Variants in EPS8 observed in about 807,000 individuals in gnomAD.
EPS8 encodes epidermal growth factor receptor kinase substrate 8.
EPS8 carries 42 observed loss-of-function variants against 103.8 expected under a neutral mutation model. The observed-to-expected ratio is 0.40, with a 90% CI of 0.32 to 0.52. EPS8 has a LOEUF of 0.52. Among genes scored for constraint, EPS8 ranks in the 20% least tolerant of loss-of-function variants. The probability of loss-of-function intolerance (pLI) is 0.40; values close to 1 mark genes in which losing one functional copy is unlikely to be tolerated. For missense variants in EPS8, 969 were observed against 1,005.1 expected, an observed-to-expected ratio of 0.96 and a Z score of 0.49; for synonymous variants, 344 against 344.6, an observed-to-expected ratio of 1.00 and a Z score of 0.02.
At position 15,704,093 on chromosome 12, in the gene EPS8, GT is replaced by G. The variant is rs1946351563; in HGVS notation, c.-21-21122del. Among the ~76,000 whole-genome samples the G allele has an allele frequency of 6.6e-6, 1 of 151,884 alleles. No homozygotes were observed. The highest frequency in any genetic ancestry group is 2.4e-5 in the African/African-American group (1 of 41,370). ...ATTCCAAAGACTGTAAGAATAGAGG[GT>G]TTTCCTGCTGGGTTTTTTTGTTCGT... On this transcript the variant is annotated intron_variant, in intron 1 of 20. Coordinates refer to ENST00000281172, the MANE Select transcript of EPS8 (RefSeq NM_004447.6). This position sits in a 1 kb window ranked among gnomAD's most constrained non-coding sequence, Gnocchi z 4.6.
chr12:15,707,838 C>A (rs1194482489), intron 1 of EPS8, among the ~76,000 whole-genome samples: 1 of 152,150 alleles, frequency 6.6e-6, no homozygotes, highest in African/African-American at 2.4e-5. Flanking sequence ...TTATAACTCA[C>A]CTTCTTTTGT....
chr12:15,768,081 TA>T (rs1317758344), intron 1 of EPS8, among the ~76,000 whole-genome samples: 2 of 152,070 alleles, frequency 1.3e-5, no homozygotes, highest in Non-Finnish European at 2.9e-5. Flanking sequence ...ATCCAATTTT[TA>T]AAAAAACTGT....
chr12:15,774,628 T>C (rs1344579977), intron 1 of EPS8, among the ~76,000 whole-genome samples: 1 of 147,450 alleles, frequency 6.8e-6, no homozygotes, highest in East Asian at 1.9e-4. Context: ...TATATAAATA[T>C]AAATATACAT....
In EPS8 at chr12:15,761,338, T is replaced by C. The variant is rs544957645; in HGVS notation, c.-22+27823A>G. Among the ~76,000 whole-genome samples, 5 of 152,246 alleles carry C rather than the reference T, an allele frequency of 3.3e-5. No homozygotes were observed. Among genetic ancestry groups the C allele is most frequent in the African/African-American group, 1.2e-4 (5 of 41,562 alleles). ...TGTTCATGGATTGAAAGAATCAATA[T>C]TGTTAAAATTTCCATACTTCCCAAA... On this transcript the variant is annotated intron_variant, in intron 1 of 20. Coordinates refer to ENST00000281172, the MANE Select transcript of EPS8 (RefSeq NM_004447.6). This position sits in a 1 kb window ranked among gnomAD's most constrained non-coding sequence, Gnocchi z 4.5.
Position 15,650,098 on chromosome 12 carries a change from A to G in EPS8, c.1434+725T>C, listed in dbSNP as rs144697029. Among the ~76,000 whole-genome samples, 227 of 152,340 alleles carry G rather than the reference A, an allele frequency of 1.5e-3. 3 individuals are homozygous for G. The highest frequency in any genetic ancestry group is 5.1e-3 in the African/African-American group (212 of 41,576). On this transcript the variant is annotated intron_variant, in intron 14 of 20. Coordinates refer to ENST00000281172, the MANE Select transcript of EPS8 (RefSeq NM_004447.6). ...CTTTTAGGGAATGTGACAAAACAGC[A>G]TACTCAATTTCATTCCCTCAACTTG...
chr12:15,638,590 A>G (rs1945176942), intron 17 of EPS8, among the ~76,000 whole-genome samples: 1 of 152,220 alleles, frequency 6.6e-6, no homozygotes, highest in Non-Finnish European at 1.5e-5. Context: ...AGAGAGTAGG[A>G]TAGTGTTGAA....
rs577196320 is a variant in EPS8 at position 15,734,411 on chromosome 12, G to A, written c.-21-51439C>T. ...AGTTTCATGCTTAAAAAGATTCTCT[G>A]TGGTTGGGCACGGTGGCTCACACCT... On this transcript the variant is annotated intron_variant, in intron 1 of 20. Coordinates refer to ENST00000281172, the MANE Select transcript of EPS8 (RefSeq NM_004447.6). The surrounding 1 kb of genome is among the most constrained non-coding windows in gnomAD (Gnocchi z 4.1). Among the ~76,000 whole-genome samples the A allele has an allele frequency of 1.3e-5, 2 of 152,196 alleles. No individual in the cohort carries two copies. The highest frequency in any genetic ancestry group is 4.1e-4 in the South Asian group (2 of 4,824).
intron 1 of EPS8, among the ~76,000 whole-genome samples, chr12:15,703,666 A>G (rs1946341879): frequency 6.6e-6 from 1 of 151,518 alleles, no homozygotes; most frequent in East Asian, 1.9e-4. Flanking sequence ...GGAGATGGTA[A>G]GGAGTAACAA....
intron 1 of EPS8, among the ~76,000 whole-genome samples, chr12:15,766,496 C>CAAA (rs57577551): frequency 8.3e-6 from 1 of 121,156 alleles, no homozygotes; most frequent in African/African-American, 3.0e-5. Flanking sequence ...GACTCCATCT[C>CAAA]AAAAAAAAAA....
At position 15,669,831 on chromosome 12, in the gene EPS8, A is replaced by G. The variant is rs746098235; in HGVS notation, c.205-6T>C. The G allele has an allele frequency of 2.9e-5, 45 of 1,577,962 alleles. No individual in the cohort carries two copies. The highest frequency in any genetic ancestry group is 5.8e-5 in the Admixed American group (3 of 51,926). On this transcript the variant is annotated splice_polypyrimidine_tract_variant and splice_region_variant and intron_variant, in intron 4 of 20. Transcript: ENST00000281172. The stretch of plus-strand genomic sequence containing the variant: ...AGGACAAAGGTAGTCAAGTGCTTAC[A>G]ATTGGCAAAAAGGAAAAAGATTTAT...
intron 1 of EPS8, among the ~76,000 whole-genome samples, chr12:15,786,878 T>C (rs965626467): frequency 2.0e-5 from 3 of 152,286 alleles, no homozygotes; most frequent in South Asian, 2.1e-4. Flanking sequence ...GGATTTACTA[T>C]AGCCAGAATA....
Position 15,696,044 on chromosome 12 carries a change from G to A in EPS8, c.-21-13072C>T, listed in dbSNP as rs745882003. Among the ~76,000 whole-genome samples, 1 of 152,214 alleles carries A rather than the reference G, an allele frequency of 6.6e-6. No homozygotes were observed. The highest frequency in any genetic ancestry group is 1.5e-5 in the Non-Finnish European group (1 of 68,028). ...GAACTTCTCAAAAGTATGGGACTGA[G>A]AGATTCATTCTGAAAATGTTCTCTC... On this transcript the variant is annotated intron_variant, in intron 1 of 20. Transcript: ENST00000281172. This position sits in a 1 kb window ranked among gnomAD's most constrained non-coding sequence, Gnocchi z 4.8.
At position 15,747,674 on chromosome 12, in the gene EPS8, C is replaced by T. The variant is rs1262153898; in HGVS notation, c.-22+41487G>A. Among the ~76,000 whole-genome samples, 1 of 152,054 alleles carries T rather than the reference C, an allele frequency of 6.6e-6. No individual in the cohort carries two copies. Among genetic ancestry groups the T allele is most frequent in the East Asian group, 1.9e-4 (1 of 5,188 alleles). On this transcript the variant is annotated intron_variant, in intron 1 of 20. Coordinates refer to ENST00000281172, the MANE Select transcript of EPS8 (RefSeq NM_004447.6). This position sits in a 1 kb window ranked among gnomAD's most constrained non-coding sequence, Gnocchi z 4.4. ...GATCCAGAGATATTATCCTATTCTC[C>T]AGAATCTTCAGTGACTTGATTTCAA...
intron 1 of EPS8, among the ~76,000 whole-genome samples, chr12:15,732,385 A>C (rs1356432696): frequency 1.3e-5 from 2 of 152,226 alleles, no homozygotes; most frequent in Admixed American, 6.5e-5. Flanking sequence ...TAATAACAAT[A>C]CTTACATTAT....
At chr12:15,647,082 A>T (rs1323674223) in intron 15 of EPS8, 45 bp downstream of exon 15, 1 of 1,577,594 alleles carries the variant, frequency 6.3e-7, no homozygotes, top group Non-Finnish European at 8.6e-7. Flanking sequence ...ACTAGATCAG[A>T]GACATTTATC....
At chr12:15,637,052 C>T (rs1372708635) in intron 17 of EPS8, among the ~76,000 whole-genome samples, 3 of 152,246 alleles carry the variant, frequency 2.0e-5, no homozygotes, top group African/African-American at 2.4e-5. Context: ...GACGGAGTCT[C>T]GCTCTGTCGC....
In EPS8 at chr12:15,777,595, C is replaced by T. The variant is rs576612855; in HGVS notation, c.-22+11566G>A. Among the ~76,000 whole-genome samples, 1 of 152,304 alleles carries T rather than the reference C, an allele frequency of 6.6e-6. No individual in the cohort carries two copies. The highest frequency in any genetic ancestry group is 1.5e-5 in the Non-Finnish European group (1 of 68,030). On this transcript the variant is annotated intron_variant, in intron 1 of 20. Coordinates refer to ENST00000281172, the MANE Select transcript of EPS8 (RefSeq NM_004447.6). The surrounding 1 kb of genome is among the most constrained non-coding windows in gnomAD (Gnocchi z 4.7). ...ACTGTCATAACCACTATGAATGTCT[C>T]TTTTATTCAGACTTCTCTCTCCATG...
At chr12:15,755,942 G>C (rs936352983) in intron 1 of EPS8, among the ~76,000 whole-genome samples, 2 of 151,992 alleles carry the variant, frequency 1.3e-5, no homozygotes, top group African/African-American at 4.8e-5. Flanking sequence ...GAACTGATTT[G>C]TATTTTGATT....
In EPS8 at chr12:15,702,275, AG is replaced by A. The variant is rs958364840; in HGVS notation, c.-21-19304del. Reference sequence around the variant, plus strand: ...AAGCCTGCCTGTCCAGTGTGATTTTAGGGTTGAGAGAGTATCATCCTATTTC... The same window carrying A: ...AAGCCTGCCTGTCCAGTGTGATTTTAGGTTGAGAGAGTATCATCCTATTTC... On this transcript the variant is annotated intron_variant, in intron 1 of 20. Transcript: ENST00000281172. The surrounding 1 kb of genome is among the most constrained non-coding windows in gnomAD (Gnocchi z 5.1). Among the ~76,000 whole-genome samples the A allele has an allele frequency of 6.6e-6, 1 of 152,244 alleles. No homozygotes were observed. Among genetic ancestry groups the A allele is most frequent in the Non-Finnish European group, 1.5e-5 (1 of 68,044 alleles).
Sources: gnomAD v4.1 joint callset for allele counts (sites outside exome capture counted in the v4.1 genomes callset) on GRCh38, gnomAD v4.1.1 for gene constraint, Gnocchi (gnomAD v3.1) non-coding constraint, MANE v1.5 for transcripts, NCBI Gene and HGNC (gene_info 2026-07-23, HGNC 2026-07-21) for gene names.